Variants in ARID4B observed in about 807,000 individuals in gnomAD.
ARID4B encodes AT-rich interaction domain 4B, also known as AT-rich interactive domain-containing protein 4B.
ARID4B carries 26 observed loss-of-function variants against 147.5 expected under a neutral mutation model. That is an observed-to-expected ratio of 0.18 (90% confidence interval 0.13 to 0.24). ARID4B has a LOEUF of 0.24. Among genes scored for constraint, ARID4B ranks in the 10% least tolerant of loss-of-function variants. ARID4B has a pLI of 1.00. For missense variants in ARID4B, 1,179 were observed against 1,511.5 expected, an observed-to-expected ratio of 0.78 and a Z score of 3.65; for synonymous variants, 512 against 507.9, an observed-to-expected ratio of 1.01 and a Z score of -0.11.
chr1:235,229,016 G>C (rs969249809), intron 11 of ARID4B: 2 of 505,640 alleles, frequency 4.0e-6, no homozygotes, highest in Non-Finnish European at 6.6e-6. Flanking sequence ...GAGGTTATTA[G>C]GAAAATCAGG....
At position 235,241,795 on chromosome 1, in the gene ARID4B, C is replaced by T. The variant is rs528758364; in HGVS notation, c.447-1344G>A. On this transcript the variant is annotated intron_variant, in intron 7 of 23. Coordinates refer to ENST00000264183, the MANE Select transcript of ARID4B (RefSeq NM_016374.6). Reference sequence around the variant, plus strand: ...CCTCCCAAAGTGCTGGGATTATAGGCGTGAGCCACCCCACCTGGCCAAAAA... The same window carrying T: ...CCTCCCAAAGTGCTGGGATTATAGGTGTGAGCCACCCCACCTGGCCAAAAA... Among the ~76,000 whole-genome samples the T allele has an allele frequency of 1.3e-4, 20 of 151,184 alleles. No homozygotes were observed. In the East Asian group the frequency reaches 3.5e-3, roughly 26 times the overall value.
At chr1:235,313,204 A>G (rs1674191518) in intron 2 of ARID4B, among the ~76,000 whole-genome samples, 1 of 151,862 alleles carries the variant, frequency 6.6e-6, no homozygotes, top group South Asian at 2.1e-4. Context: ...TAATTTTTAT[A>G]TTTTCAGTAG....
At chr1:235,235,053 T>C (rs1375644104) in intron 8 of ARID4B, among the ~76,000 whole-genome samples, 1 of 152,136 alleles carries the variant, frequency 6.6e-6, no homozygotes, top group East Asian at 1.9e-4. Flanking sequence ...AGGTGGTGGC[T>C]TGGATGTAAA....
chr1:235,179,141 T>C (rs184335417), intron 20 of ARID4B, among the ~76,000 whole-genome samples: 5 of 152,294 alleles, frequency 3.3e-5, no homozygotes, highest in Non-Finnish European at 7.4e-5. Flanking sequence ...TACATCTAAA[T>C]AGTAAAACTT....
intron 2 of ARID4B, among the ~76,000 whole-genome samples, chr1:235,324,420 G>A (rs1204431175): frequency 6.6e-6 from 1 of 152,162 alleles, no homozygotes; most frequent in African/African-American, 2.4e-5. Context: ...TGGGAAAACT[G>A]CTAAAACATA....
At position 235,172,340 on chromosome 1, in the gene ARID4B, G is replaced by A. The variant is rs146809593; in HGVS notation, c.3811+278C>T. On this transcript the variant is annotated intron_variant, in intron 23 of 23. Transcript: ENST00000264183. The stretch of plus-strand genomic sequence containing the variant: ...GCCTGTAATCTTAGCACTTTGGGAG[G>A]CCAAGACAGGTAGATCACCTGAGGT... 7.1e-3 allele frequency among the ~76,000 whole-genome samples: 1,075 copies of A among 152,284 alleles called. 8 individuals carry two copies. The highest frequency in any genetic ancestry group is 0.011 in the Admixed American group (167 of 15,300).
rs373110472 is a variant in ARID4B, at chr1:235,207,850, G to A, written c.1841+5919C>T. 7.0e-4 allele frequency among the ~76,000 whole-genome samples: 107 copies of A among 152,226 alleles called. 1 individual carries two copies. Among genetic ancestry groups the A allele is most frequent in the South Asian group, 2.1e-3 (10 of 4,828 alleles). On this transcript the variant is annotated intron_variant, in intron 17 of 23. Coordinates refer to ENST00000264183, the MANE Select transcript of ARID4B (RefSeq NM_016374.6). ...CCTAAGAGGATTTAATTTGTTTGGCGAAAATATTTTTTAAATGTAACACAT... is the reference window on the plus strand; with the variant it reads ...CCTAAGAGGATTTAATTTGTTTGGCAAAAATATTTTTTAAATGTAACACAT...
At chr1:235,208,501 A>AT (rs201146320) in intron 17 of ARID4B, among the ~76,000 whole-genome samples, 2,901 of 151,518 alleles carry the variant, frequency 0.019, 70 homozygotes, top group African/African-American at 0.055. Flanking sequence ...TTTTATTATT[A>AT]TTTTTTTTCT....
intron 2 of ARID4B, 123 bp from the exon 3 acceptor site, chr1:235,260,875 CAA>C: frequency 1.6e-6 from 1 of 624,718 alleles, no homozygotes; most frequent in East Asian, 3.0e-5. Flanking sequence ...TGTATGTTAA[CAA>C]GACCAATCTA....
intron 12 of ARID4B, 134 bp from the exon 13 acceptor site, chr1:235,223,394 T>TATATATATACACACGTATATAC (rs1667621789): frequency 5.3e-6 from 1 of 189,536 alleles, no homozygotes; most frequent in Non-Finnish European, 1.0e-5. Flanking sequence ...CACGTATATA[T>TATATATATACACACGTATATAC]ATGTGTGTGT....
chr1:235,308,729 A>C (rs374590080), intron 2 of ARID4B, among the ~76,000 whole-genome samples: 2 of 152,050 alleles, frequency 1.3e-5, no homozygotes, highest in Admixed American at 6.6e-5. Context: ...CGCCAGCCTC[A>C]GCCTCCCGAG....
chr1:235,224,127 C>T (rs1667677925), intron 12 of ARID4B, among the ~76,000 whole-genome samples: 1 of 152,092 alleles, frequency 6.6e-6, no homozygotes, highest in Admixed American at 6.6e-5. Context: ...TGTGGTGTTT[C>T]CAAACACTAA....
chr1:235,308,641 G>A (rs967963616), intron 2 of ARID4B, among the ~76,000 whole-genome samples: 20 of 151,942 alleles, frequency 1.3e-4, no homozygotes, highest in Non-Finnish European at 2.5e-4. Flanking sequence ...CGCCTGACTG[G>A]TTTTTGTATT....
intron 2 of ARID4B, among the ~76,000 whole-genome samples, chr1:235,266,545 T>C (rs988521115): frequency 2.6e-5 from 4 of 152,206 alleles, no homozygotes; most frequent in African/African-American, 7.2e-5. Flanking sequence ...GCTTAAATAA[T>C]TATTTTCCTA....
intron 16 of ARID4B, among the ~76,000 whole-genome samples, chr1:235,215,957 T>C (rs1163919204): frequency 1.3e-5 from 2 of 151,974 alleles, no homozygotes; most frequent in Non-Finnish European, 2.9e-5. Context: ...TATCTCTATA[T>C]GCAACCTTTT....
chr1:235,322,998 C>A (rs994474513), intron 2 of ARID4B, among the ~76,000 whole-genome samples: 1 of 151,106 alleles, frequency 6.6e-6, no homozygotes, highest in African/African-American at 2.4e-5. Flanking sequence ...AAGAAAAGTA[C>A]ATCTGGAAAA....
intron 2 of ARID4B, among the ~76,000 whole-genome samples, chr1:235,287,639 C>T (rs1409836355): frequency 1.3e-5 from 2 of 152,154 alleles, no homozygotes; most frequent in African/African-American, 4.8e-5. Context: ...ATTCTCTACC[C>T]AGTAATTCAA....
At chr1:235,321,792 C>T (rs1011511952) in intron 2 of ARID4B, among the ~76,000 whole-genome samples, 1 of 152,098 alleles carries the variant, frequency 6.6e-6, no homozygotes, top group East Asian at 1.9e-4. Flanking sequence ...AGCCACTGTG[C>T]CCGGCCCTGA....
rs12751553 is a variant in ARID4B, at chr1:235,309,500, A to G, written c.6+17414T>C. 3.0e-3 allele frequency among the ~76,000 whole-genome samples: 236 copies of G among 79,020 alleles called. 1 individual carries two copies. Among genetic ancestry groups the G allele is most frequent in the African/African-American group, 7.0e-3 (143 of 20,300 alleles). The allele number at this position is 79,020 out of a possible 152,430, so 51.8% of individuals were successfully genotyped here. Reference sequence around the variant, plus strand: ...GCCTCTGCCCGGCCGCCCCTACTGGAAAGTGAGGAGCCCCTCTGCCCGGCC... The same window carrying G: ...GCCTCTGCCCGGCCGCCCCTACTGGGAAGTGAGGAGCCCCTCTGCCCGGCC... On this transcript the variant is annotated intron_variant, in intron 2 of 23. Transcript: ENST00000264183.
Sources: gnomAD v4.1 joint callset for allele counts (sites outside exome capture counted in the v4.1 genomes callset) on GRCh38, gnomAD v4.1.1 for gene constraint, MANE v1.5 for transcripts, NCBI Gene and HGNC (gene_info 2026-07-23, HGNC 2026-07-21) for gene names.